Variants in DGKB observed in about 807,000 individuals in gnomAD.
The protein encoded by DGKB is diacylglycerol kinase beta.
In DGKB, 67 loss-of-function variants were observed where a neutral mutation model predicts 114.3. The ratio of observed to expected loss-of-function variants is 0.59; its 90% CI spans 0.48 to 0.72. DGKB has a LOEUF of 0.72. Among genes scored for constraint, DGKB ranks in the 30% least tolerant of loss-of-function variants. The pLI, the probability that DGKB is intolerant of heterozygous loss-of-function variation, is 0.00. For missense variants in DGKB, 907 were observed against 975.2 expected (o/e 0.93, Z 0.93); for synonymous variants, 398 against 323.1 (o/e 1.23, Z -2.49).
intron 17 of DGKB, among the ~76,000 whole-genome samples, chr7:14,605,561 G>A (rs1389334859): frequency 6.6e-6 from 1 of 151,692 alleles, no homozygotes; most frequent in Non-Finnish European, 1.5e-5. Context: ...ATTCATTGTA[G>A]TGTAGACTTT....
chr7:14,653,882 C>T (rs796603636), intron 13 of DGKB, among the ~76,000 whole-genome samples: 3 of 152,100 alleles, frequency 2.0e-5, no homozygotes, highest in African/African-American at 7.2e-5. Flanking sequence ...ATTAGATATA[C>T]CCCTACACAA....
At chr7:14,204,408 T>C (rs1022913415) in intron 23 of DGKB, among the ~76,000 whole-genome samples, 2 of 151,976 alleles carry the variant, frequency 1.3e-5, no homozygotes, top group Non-Finnish European at 2.9e-5. Flanking sequence ...AGCTGACACA[T>C]TTCTGTGTCT....
intron 23 of DGKB, among the ~76,000 whole-genome samples, chr7:14,243,968 C>A (rs996339128): frequency 6.6e-6 from 1 of 152,036 alleles, no homozygotes; most frequent in African/African-American, 2.4e-5. Context: ...AAATCTAAAT[C>A]TAAATTTCTC....
intron 20 of DGKB, among the ~76,000 whole-genome samples, chr7:14,564,897 A>G (rs928049001): frequency 3.9e-5 from 6 of 152,060 alleles, no homozygotes; most frequent in Non-Finnish European, 8.8e-5. Context: ...GCTTTATCCT[A>G]AAGTTCCATT....
At chr7:14,666,718 C>G (rs575538309) in intron 13 of DGKB, among the ~76,000 whole-genome samples, 1 of 151,618 alleles carries the variant, frequency 6.6e-6, no homozygotes, top group Admixed American at 6.6e-5. Context: ...CAGTTTCTGA[C>G]CTCTCTTCAA....
chr7:14,309,747 A>G (rs1470246521), intron 23 of DGKB, among the ~76,000 whole-genome samples: 1 of 152,204 alleles, frequency 6.6e-6, no homozygotes, highest in Non-Finnish European at 1.5e-5. Flanking sequence ...CCCTCTGACA[A>G]CCAGACAAAT....
chr7:14,204,550 A>C (rs1276028204), intron 23 of DGKB, among the ~76,000 whole-genome samples: 1 of 152,048 alleles, frequency 6.6e-6, no homozygotes, highest in Non-Finnish European at 1.5e-5. Context: ...ACGGCTGAGA[A>C]AACATAGGGC....
intron 20 of DGKB, among the ~76,000 whole-genome samples, chr7:14,556,812 G>C (rs1407009607): frequency 1.3e-5 from 2 of 152,090 alleles, no homozygotes; most frequent in Non-Finnish European, 2.9e-5. Flanking sequence ...ATGGTTATGA[G>C]GTATTGATAT....
intron 2 of DGKB, chr7:14,813,986 G>C (rs986489396): frequency 5.3e-5 from 8 of 151,916 alleles, no homozygotes; most frequent in Non-Finnish European, 1.2e-4. Context: ...TTCAATTTTA[G>C]TAATTGCTAT....
At chr7:14,223,993 T>C (rs1790397119) in intron 23 of DGKB, among the ~76,000 whole-genome samples, 1 of 151,838 alleles carries the variant, frequency 6.6e-6, no homozygotes, top group African/African-American at 2.4e-5. Context: ...CCAACATTTT[T>C]ACTATGTGTG....
Position 14,916,650 on chromosome 7 carries a change from C to CA in DGKB, c.-188+58045dup, listed in dbSNP as rs527975380. Among the ~76,000 whole-genome samples the CA allele has an allele frequency of 2.1e-3, 312 of 151,772 alleles. 2 individuals carry two copies. Among genetic ancestry groups the CA allele is most frequent in the African/African-American group, 7.1e-3 (292 of 41,394 alleles). On this transcript the variant is annotated intron_variant, in intron 1 of 4. Coordinates refer to the DGKB transcript ENST00000437998. Reference sequence around the variant, plus strand: ...AAACAGAGCATTAAAGAACATGAGGCAAAAAATGATAGAAAGAGAAATAGA... The same window carrying CA: ...AAACAGAGCATTAAAGAACATGAGGCAAAAAAATGATAGAAAGAGAAATAGA...
chr7:14,918,927 G>A (rs937631215), intron 1 of DGKB, among the ~76,000 whole-genome samples: 2 of 151,956 alleles, frequency 1.3e-5, no homozygotes, highest in African/African-American at 4.8e-5. Context: ...GCCGGGCGTG[G>A]TGGCAGGTGC....
chr7:14,639,870 T>C (rs1811420964), intron 13 of DGKB, among the ~76,000 whole-genome samples: 1 of 152,206 alleles, frequency 6.6e-6, no homozygotes. Context: ...TGCAATTCGA[T>C]TTAGTAAGGA....
chr7:14,700,862 C>T (rs1825047687), intron 7 of DGKB, among the ~76,000 whole-genome samples: 1 of 152,040 alleles, frequency 6.6e-6, no homozygotes, highest in African/African-American at 2.4e-5. Flanking sequence ...TTCCAAATGA[C>T]ACTTATTCTA....
At position 14,202,760 on chromosome 7, in the gene DGKB, T is replaced by G. The variant is rs996613887; in HGVS notation, c.2123-24609A>C. 3.3e-5 allele frequency among the ~76,000 whole-genome samples: 5 copies of G among 152,184 alleles called. No homozygotes were observed. In the South Asian group the frequency reaches 1.0e-3, roughly 31 times the overall value. On this transcript the variant is annotated intron_variant, in intron 23 of 25. Coordinates refer to ENST00000402815, the MANE Select transcript of DGKB (RefSeq NM_001350709.2). ...AAACAGAAGTTGTCAGGTACTGATC[T>G]GTTACTGTAAGATGCCAATCATATT...
At chr7:14,859,248 C>G (rs1014136096) in intron 1 of DGKB, among the ~76,000 whole-genome samples, 3 of 152,004 alleles carry the variant, frequency 2.0e-5, no homozygotes, top group Non-Finnish European at 4.4e-5. Context: ...CAGTTTGTAC[C>G]TGGACAAAAG....
At chr7:14,252,995 C>T (rs1181254417) in intron 23 of DGKB, among the ~76,000 whole-genome samples, 2 of 151,898 alleles carry the variant, frequency 1.3e-5, no homozygotes, top group Non-Finnish European at 2.9e-5. Flanking sequence ...GATTCCTTAG[C>T]TCTTGTGAAG....
At chr7:14,532,777 A>G (rs1791813764) in intron 20 of DGKB, among the ~76,000 whole-genome samples, 1 of 151,696 alleles carries the variant, frequency 6.6e-6, no homozygotes, top group African/African-American at 2.4e-5. Context: ...TCAAGCATAT[A>G]CACTAGAACT....
At chr7:14,745,076 G>A (rs142730427) in intron 4 of DGKB, among the ~76,000 whole-genome samples, 1 of 152,278 alleles carries the variant, frequency 6.6e-6, no homozygotes, top group East Asian at 1.9e-4. Context: ...CAAGCCCCAT[G>A]CAACCAATCT....
Sources: gnomAD v4.1 joint callset for allele counts (sites outside exome capture counted in the v4.1 genomes callset) on GRCh38, gnomAD v4.1.1 for gene constraint, MANE v1.5 for transcripts, NCBI Gene and HGNC (gene_info 2026-07-23, HGNC 2026-07-21) for gene names.